ASTN2: variants seen among roughly 807,000 people sequenced by gnomAD.
ASTN2 encodes the protein astrotactin-2.
A neutral mutation model predicts 139.8 loss-of-function variants in ASTN2; 54 were observed. The observed-to-expected ratio is 0.39, with a 90% CI of 0.31 to 0.48. The LOEUF (loss-of-function observed/expected upper bound fraction) is 0.48, where lower values mean the gene tolerates loss of function less well. Among genes scored for constraint, ASTN2 ranks in the 20% least tolerant of loss-of-function variants. The pLI, the probability that ASTN2 is intolerant of heterozygous loss-of-function variation, is 0.95. For missense variants in ASTN2, 1,565 were observed against 1,725.1 expected, an observed-to-expected ratio of 0.91 and a Z score of 1.64; for synonymous variants, 756 against 719.5, an observed-to-expected ratio of 1.05 and a Z score of -0.81.
intron 6 of ASTN2, among the ~76,000 whole-genome samples, chr9:117,018,720 A>G (rs1235648607): frequency 1.3e-5 from 2 of 152,144 alleles, no homozygotes; most frequent in South Asian, 2.1e-4. Flanking sequence ...CTCATCTAAA[A>G]GAGGGTGAAT....
chr9:116,661,991 A>G (rs1005617602), intron 16 of ASTN2, among the ~76,000 whole-genome samples: 2 of 151,540 alleles, frequency 1.3e-5, no homozygotes, highest in African/African-American at 4.9e-5. Flanking sequence ...GTGTACATGT[A>G]CCCTAGAACT....
At chr9:116,513,210 T>C (rs757839808) in intron 19 of ASTN2, among the ~76,000 whole-genome samples, 32 of 152,172 alleles carry the variant, frequency 2.1e-4, no homozygotes, top group Admixed American at 5.9e-4. Flanking sequence ...TGACAAAATC[T>C]CTCAGCATTT....
At chr9:116,841,048 C>A (rs111610995) in intron 11 of ASTN2, among the ~76,000 whole-genome samples, 1,545 of 87,648 alleles carry the variant, frequency 0.018, 35 homozygotes, top group African/African-American at 0.087. Context: ...GGAGGTTGCA[C>A]GAGCCAAGAT....
Position 116,733,483 on chromosome 9 carries a change from C to A in ASTN2, c.2437G>T (p.Gly813Trp). 6.2e-7 allele frequency: 1 copy of A among 1,614,196 alleles called. No individual in the cohort carries two copies. Among genetic ancestry groups the A allele is most frequent in the Non-Finnish European group, 8.5e-7 (1 of 1,180,040 alleles). Residue 813 changes from glycine (G) to tryptophan (W), a missense_variant, in exon 14 of 23, where the codon GGG (glycine) becomes TGG (tryptophan). By Grantham distance (184) the Gly-to-Trp change is radical. Around this residue, in one of 4 missense-constraint regions of ASTN2, gnomAD observed 503 missense variants for 591.7 expected, o/e 0.85. Coordinates refer to ENST00000313400, the MANE Select transcript of ASTN2 (RefSeq NM_001365068.1). ...ACCGGCAGCGGGATCACCAACAGCCCATCGGCCAGCTGGGGAAAGTCCTTG... is the reference window on the plus strand; with the variant it reads ...ACCGGCAGCGGGATCACCAACAGCCAATCGGCCAGCTGGGGAAAGTCCTTG... Reference protein sequence around the residue: ...FIKDFPQLADGLLVIPLPVEE... With the variant: ...FIKDFPQLADWLLVIPLPVEE...
intron 2 of ASTN2, among the ~76,000 whole-genome samples, chr9:117,242,004 CTTTTTTTTTTTTTTTTTT>C (rs10579284): frequency 1.6e-4 from 7 of 42,478 alleles, no homozygotes; most frequent in African/African-American, 6.3e-4. Context: ...TTTGGCAAGT[CTTTTTTTTTTTTTTTTTT>C]TTTTTTTTTT....
chr9:117,076,165 T>G (rs12344337), intron 5 of ASTN2, among the ~76,000 whole-genome samples: 42,389 of 152,100 alleles, frequency 0.28, 6,125 homozygotes, highest in East Asian at 0.37. Context: ...AATTCCATGC[T>G]GGCATAAAGG....
chr9:117,321,761 C>T (rs1324380888), intron 1 of ASTN2, among the ~76,000 whole-genome samples: 5 of 152,108 alleles, frequency 3.3e-5, no homozygotes, highest in African/African-American at 7.2e-5. Flanking sequence ...ACATTTTAAG[C>T]CAGATAATTA....
chr9:117,291,490 T>A lies in ASTN2; in HGVS notation c.466A>T (p.Ile156Phe). The A allele has an allele frequency of 6.2e-7, 1 of 1,608,938 alleles. No homozygotes were observed. The highest frequency in any genetic ancestry group is 8.5e-7 in the Non-Finnish European group (1 of 1,177,384). The change falls in exon 2 of 23, where the codon ATC becomes TTC. Residue 156 changes from isoleucine (I) to phenylalanine (F), a missense_variant. Ile to Phe is a conservative substitution (Grantham distance 21). Coordinates refer to ENST00000313400, the MANE Select transcript of ASTN2 (RefSeq NM_001365068.1). Reference protein sequence around the residue: ...TLEMSGTAADISLVHWRQQWL... With the variant: ...TLEMSGTAADFSLVHWRQQWL... The stretch of plus-strand genomic sequence containing the variant: ...TGCTGTCTCCAGTGCACCAGCGAGA[T>A]GTCCGCTGCTGTGCCAGACATCTCT...
intron 1 of ASTN2, among the ~76,000 whole-genome samples, chr9:117,332,563 C>T (rs1828746954): frequency 6.6e-6 from 1 of 150,416 alleles, no homozygotes; most frequent in South Asian, 2.1e-4. Context: ...GACTCCATCT[C>T]AAACAAACAA....
chr9:116,589,224 A>G (rs1172249688), intron 19 of ASTN2, among the ~76,000 whole-genome samples: 1 of 152,220 alleles, frequency 6.6e-6, no homozygotes, highest in Non-Finnish European at 1.5e-5. Flanking sequence ...ATTGCAATTA[A>G]AGATGTATTA....
intron 7 of ASTN2, among the ~76,000 whole-genome samples, chr9:116,994,981 A>T (rs1349531035): frequency 6.6e-6 from 1 of 152,174 alleles, no homozygotes; most frequent in Non-Finnish European, 1.5e-5. Flanking sequence ...TATTCTTACC[A>T]CTATTTTACC....
chr9:117,243,241 C>CT (rs1443746371), intron 2 of ASTN2, among the ~76,000 whole-genome samples: 3 of 152,190 alleles, frequency 2.0e-5, no homozygotes, highest in Non-Finnish European at 4.4e-5. Context: ...CTACAAAACA[C>CT]TGTCTAATAA....
intron 3 of ASTN2, among the ~76,000 whole-genome samples, chr9:117,158,109 A>T (rs1830469491): frequency 6.6e-6 from 1 of 152,048 alleles, no homozygotes; most frequent in African/African-American, 2.4e-5. Flanking sequence ...AATAGAAAAA[A>T]TTAAGCCTAT....
At chr9:117,154,381 C>T (rs1048782490) in intron 3 of ASTN2, among the ~76,000 whole-genome samples, 4 of 151,834 alleles carry the variant, frequency 2.6e-5, no homozygotes, top group Non-Finnish European at 4.4e-5. Flanking sequence ...AAGCAGGAAG[C>T]TAGAGAGTAA....
At chr9:116,944,824 A>T (rs1171769330) in intron 10 of ASTN2, among the ~76,000 whole-genome samples, 1 of 152,052 alleles carries the variant, frequency 6.6e-6, no homozygotes, top group Non-Finnish European at 1.5e-5. Context: ...TTGAGCTGTT[A>T]TGAGGAACTG....
chr9:117,142,071 G>A (rs7027113), intron 3 of ASTN2, among the ~76,000 whole-genome samples: 9,493 of 152,224 alleles, frequency 0.062, 553 homozygotes, highest in African/African-American at 0.15. Context: ...GAAGGAGCAC[G>A]GATGCTTGAG....
At chr9:116,616,341 G>C (rs1855854857) in intron 19 of ASTN2, among the ~76,000 whole-genome samples, 1 of 152,192 alleles carries the variant, frequency 6.6e-6, no homozygotes, top group African/African-American at 2.4e-5. Flanking sequence ...ACAGTAGAGA[G>C]AATGAGTGAG....
intron 22 of ASTN2, among the ~76,000 whole-genome samples, chr9:116,426,306 C>T (rs1004891805): frequency 2.0e-5 from 3 of 152,036 alleles, no homozygotes; most frequent in African/African-American, 7.2e-5. Flanking sequence ...GAGGTAGAGC[C>T]TTTAACCTAG....
intron 7 of ASTN2, among the ~76,000 whole-genome samples, chr9:116,998,341 T>A (rs772479726): frequency 2.7e-4 from 41 of 152,084 alleles, no homozygotes; most frequent in Non-Finnish European, 4.4e-4. Flanking sequence ...CTTATTTGAG[T>A]TCAGAAAAGA....
Sources: gnomAD v4.1 joint callset for allele counts (sites outside exome capture counted in the v4.1 genomes callset) on GRCh38, gnomAD v4.1.1 for gene constraint, gnomAD v4.1.1 regional missense constraint, MANE v1.5 for transcripts, NCBI Gene and HGNC (gene_info 2026-07-23, HGNC 2026-07-21) for gene names.